Variants in EPB41L2 observed in about 807,000 individuals in gnomAD.
EPB41L2 encodes erythrocyte membrane protein band 4.1 like 2.
Under a neutral mutation model 113.0 loss-of-function variants are expected in EPB41L2, and 43 were observed. The ratio of observed to expected loss-of-function variants is 0.38; its 90% confidence interval spans 0.30 to 0.49. The LOEUF (loss-of-function observed/expected upper bound fraction) is 0.49. Among genes scored for constraint, EPB41L2 ranks in the 20% least tolerant of loss-of-function variants. The probability of loss-of-function intolerance (pLI) is 0.95; values close to 1 mark genes in which losing one functional copy is unlikely to be tolerated. For missense variants in EPB41L2, 1,147 were observed against 1,223.4 expected (o/e 0.94, Z 0.93); for synonymous variants, 442 against 436.7 (o/e 1.01, Z -0.15).
At chr6:130,995,787 G>A (rs7765007) in intron 1 of EPB41L2, among the ~76,000 whole-genome samples, 117,408 of 152,046 alleles carry the variant, frequency 0.77, 45,556 homozygotes, top group East Asian at 0.87. Context: ...CCTATGGTCA[G>A]CCTCACTCCC....
At chr6:131,026,769 C>T (rs1790954155) in intron 1 of EPB41L2, among the ~76,000 whole-genome samples, 1 of 152,150 alleles carries the variant, frequency 6.6e-6, no homozygotes, top group South Asian at 2.1e-4. Flanking sequence ...TCCCTCTGGC[C>T]TGCAGATGAA....
intron 1 of EPB41L2, among the ~76,000 whole-genome samples, chr6:131,035,960 C>T (rs1369003550): frequency 3.9e-5 from 6 of 152,276 alleles, no homozygotes; most frequent in Non-Finnish European, 4.4e-5. Flanking sequence ...TTGAGAGAAA[C>T]GGTCAAATCT....
At chr6:130,964,345 A>C (rs12193685) in intron 1 of EPB41L2, among the ~76,000 whole-genome samples, 18,256 of 152,190 alleles carry the variant, frequency 0.12, 2,041 homozygotes, top group African/African-American at 0.29. Flanking sequence ...TTTCTGTGAG[A>C]AGTTACCTAT....
intron 18 of EPB41L2, 101 bp from the exon 19 acceptor site, chr6:130,858,344 G>A (rs1377141766): frequency 2.9e-5 from 23 of 801,294 alleles, no homozygotes; most frequent in Admixed American, 4.9e-5. Flanking sequence ...CCAACCTCAA[G>A]CCAAGAGGCA....
chr6:130,996,809 G>C (rs187159708), intron 1 of EPB41L2, among the ~76,000 whole-genome samples: 1 of 152,216 alleles, frequency 6.6e-6, no homozygotes, highest in African/African-American at 2.4e-5. Flanking sequence ...CTGAAATGTG[G>C]GTACCTGGAA....
intron 1 of EPB41L2, among the ~76,000 whole-genome samples, chr6:131,012,657 A>C (rs1469138202): frequency 1.3e-5 from 2 of 152,002 alleles, no homozygotes; most frequent in Non-Finnish European, 2.9e-5. Context: ...GAAGAGGGAA[A>C]AAAAATGAAA....
At chr6:130,967,613 C>A (rs1775635703) in intron 1 of EPB41L2, among the ~76,000 whole-genome samples, 1 of 152,048 alleles carries the variant, frequency 6.6e-6, no homozygotes, top group African/African-American at 2.4e-5. Flanking sequence ...CTAAGCTGGT[C>A]ATACATAAAC....
intron 14 of EPB41L2, among the ~76,000 whole-genome samples, chr6:130,876,434 A>G (rs1787574247): frequency 6.6e-6 from 1 of 152,158 alleles, no homozygotes; most frequent in Non-Finnish European, 1.5e-5. Flanking sequence ...TTATCACCTA[A>G]ATTGGTTGAT....
In EPB41L2 at chr6:131,003,734, T is replaced by C. The variant is rs1784856562; in HGVS notation, c.-14-47235A>G. On this transcript the variant is annotated intron_variant, in intron 1 of 19. Transcript: ENST00000337057. ...CACACATGCCCAGAATTGGATTTCA[T>C]ACTTATTTTCACAACAAAATCTCCC... Among the ~76,000 whole-genome samples the C allele has an allele frequency of 2.6e-5, 4 of 152,370 alleles. No homozygotes were observed. The South Asian group carries it at 8.3e-4, about 32-fold the overall frequency.
intron 1 of EPB41L2, among the ~76,000 whole-genome samples, chr6:131,058,662 A>AT (rs1381225354): frequency 1.3e-5 from 2 of 152,232 alleles, no homozygotes; most frequent in Non-Finnish European, 2.9e-5. Context: ...TCCCTCTCTC[A>AT]TATGAAATAC....
intron 8 of EPB41L2, 47 bp downstream of exon 8, chr6:130,899,444 C>T: frequency 6.6e-7 from 1 of 1,511,708 alleles, no homozygotes; most frequent in Non-Finnish European, 9.2e-7. Flanking sequence ...CTCAAAACCT[C>T]AGTCAACAGA....
At chr6:130,884,988 CAT>C in intron 12 of EPB41L2, 106 bp downstream of exon 12, 1 of 1,284,180 alleles carries the variant, frequency 7.8e-7, no homozygotes, top group Non-Finnish European at 1.1e-6. Context: ...CAGCAGAGAA[CAT>C]AGAACAACTA....
At chr6:130,965,644 C>CAAAAAAAA (rs35081059) in intron 1 of EPB41L2, among the ~76,000 whole-genome samples, 2 of 127,888 alleles carry the variant, frequency 1.6e-5, no homozygotes, top group Non-Finnish European at 1.7e-5. Context: ...AAACAGTTAT[C>CAAAAAAAA]AAAAAAAAAA....
In EPB41L2 at chr6:130,885,253, A is replaced by G. The variant is rs932797685; in HGVS notation, c.1676T>C (p.Met559Thr). The G allele has an allele frequency of 3.1e-6, 5 of 1,614,118 alleles. No individual in the cohort carries two copies. The East Asian group carries it at 6.7e-5, about 22-fold the overall frequency. Residue 559 changes from methionine to threonine, a missense_variant, in exon 12 of 20, where the codon ATG (methionine) becomes ACG (threonine). Coordinates refer to ENST00000337057, the MANE Select transcript of EPB41L2 (RefSeq NM_001431.4). ...AAAATCCTTCATAAGACTTTGGTCC[A>G]TGACACCAATCGGAGCTAGTAAAGA... is the stretch of plus-strand genomic sequence containing the variant. ...RSLDGAPIGV[M>T]DQSLMKDFPG...
At chr6:130,952,866 T>G (rs543130766) in intron 3 of EPB41L2, among the ~76,000 whole-genome samples, 6 of 152,082 alleles carry the variant, frequency 3.9e-5, no homozygotes, top group African/African-American at 1.4e-4. Flanking sequence ...GAAATTTTTG[T>G]GCTGGATACA....
Position 130,858,106 on chromosome 6 carries a change from CCA to C in EPB41L2, c.*5+23_*5+24del, listed in dbSNP as rs1302263039. ...GAGTACAGAGCAGTCACTAGAAAGG[CCA>C]CAGACAATGAGGGCTCTCTTACCTT... is the stretch of plus-strand genomic sequence containing the variant. On this transcript the variant is annotated intron_variant, in intron 19 of 19. Transcript: ENST00000337057. 1.9e-6 allele frequency: 3 copies of C among 1,567,534 alleles called. No homozygotes were observed. In the African/African-American group the frequency reaches 4.1e-5, roughly 21 times the overall value.
At chr6:130,889,379 G>A (rs1192447605) in intron 11 of EPB41L2, among the ~76,000 whole-genome samples, 1 of 151,804 alleles carries the variant, frequency 6.6e-6, no homozygotes, top group Non-Finnish European at 1.5e-5. Flanking sequence ...TTTTCCATGT[G>A]TAGTTTATAT....
At chr6:130,980,772 G>C (rs1240109648) in intron 1 of EPB41L2, among the ~76,000 whole-genome samples, 2 of 152,136 alleles carry the variant, frequency 1.3e-5, no homozygotes, top group Non-Finnish European at 1.5e-5. Context: ...ATCCAAAGGG[G>C]TAGGCATGAT....
chr6:130,848,189 TCTCTCTCTCTCA>T (rs1312934261), intron 19 of EPB41L2, among the ~76,000 whole-genome samples: 4 of 113,226 alleles, frequency 3.5e-5, no homozygotes, highest in Admixed American at 1.9e-4. Flanking sequence ...TCTGTCTCTC[TCTCTCTCTCTCA>T]CACACACACA....
Sources: allele counts gnomAD v4.1 joint callset (sites outside exome capture counted in the v4.1 genomes callset), GRCh38; gene constraint gnomAD v4.1.1; transcripts MANE v1.5; gene names NCBI Gene and HGNC (gene_info 2026-07-23, HGNC 2026-07-21).